The following FAM135B variants were observed in gnomAD, a reference collection of about 807,000 sequenced individuals.
The protein encoded by FAM135B is family with sequence similarity 135 member B, also known as protein FAM135B.
In FAM135B, 43 loss-of-function variants were observed where a neutral mutation model predicts 127.7. The observed-to-expected ratio is 0.34, with a 90% CI of 0.26 to 0.43. FAM135B has a LOEUF of 0.43. Among genes scored for constraint, FAM135B ranks in the 20% least tolerant of loss-of-function variants. The pLI, the probability that FAM135B is intolerant of heterozygous loss-of-function variation, is 1.00. For missense variants in FAM135B, 1,558 were observed against 1,725.6 expected (o/e 0.90, Z 1.72); for synonymous variants, 670 against 665.1 (o/e 1.01, Z -0.11).
At position 138,474,626 on chromosome 8, in the gene FAM135B, C is replaced by T. The variant is rs150995120; in HGVS notation, c.-20+22045G>A. On this transcript the variant is annotated intron_variant, in intron 1 of 19. Coordinates refer to ENST00000395297, the MANE Select transcript of FAM135B (RefSeq NM_015912.4). Reference sequence around the variant, plus strand: ...GCCTTTCCTACACACAGTCACACAGCTCAAATCCTAACTTTATTTGGGTCT... The same window carrying T: ...GCCTTTCCTACACACAGTCACACAGTTCAAATCCTAACTTTATTTGGGTCT... Among the ~76,000 whole-genome samples, 810 of 152,276 alleles carry T rather than the reference C, an allele frequency of 5.3e-3. 8 individuals carry two copies. Among genetic ancestry groups the T allele is most frequent in the African/African-American group, 0.019 (782 of 41,564 alleles).
chr8:138,156,364 C>T (rs1316978898), intron 12 of FAM135B, among the ~76,000 whole-genome samples: 1 of 152,058 alleles, frequency 6.6e-6, no homozygotes, highest in Admixed American at 6.5e-5. Flanking sequence ...AAATAATCAC[C>T]CTAACATCAC....
chr8:138,380,214 T>TTTC (rs1563952796), intron 1 of FAM135B, among the ~76,000 whole-genome samples: 2 of 151,510 alleles, frequency 1.3e-5, no homozygotes, highest in South Asian at 2.1e-4. Context: ...CTTTCTTTTT[T>TTTC]TGAGACAGAG....
chr8:138,461,173 T>G (rs1837101065), intron 1 of FAM135B, among the ~76,000 whole-genome samples: 1 of 152,136 alleles, frequency 6.6e-6, no homozygotes, highest in African/African-American at 2.4e-5. Context: ...TCATGGATAC[T>G]CTTACGTTAA....
chr8:138,456,555 A>G (rs1311647167), intron 1 of FAM135B, among the ~76,000 whole-genome samples: 6 of 152,172 alleles, frequency 3.9e-5, no homozygotes, highest in Admixed American at 1.3e-4. Flanking sequence ...CCTGCCCACA[A>G]GGTCATGAGG....
intron 1 of FAM135B, among the ~76,000 whole-genome samples, chr8:138,487,305 G>A (rs942768507): frequency 2.6e-5 from 4 of 152,118 alleles, no homozygotes; most frequent in East Asian, 3.9e-4. Flanking sequence ...AGCTGGTCAC[G>A]GAGGACTTAG....
In FAM135B at chr8:138,318,670, A is replaced by T. The variant is rs557339711; in HGVS notation, c.78-7750T>A. Among the ~76,000 whole-genome samples, 5 of 152,338 alleles carry T rather than the reference A, an allele frequency of 3.3e-5. No individual in the cohort carries two copies. The South Asian group carries it at 1.0e-3, about 32-fold the overall frequency. On this transcript the variant is annotated intron_variant, in intron 2 of 19. Transcript: ENST00000395297. ...CCCTGATACCCCTCATAGGAAGCAC[A>T]TTTTGTTGTATAGCTACGTCTCTTT...
Position 138,398,855 on chromosome 8 carries a change from C to G in FAM135B, c.-19-30853G>C, listed in dbSNP as rs79997423. On this transcript the variant is annotated intron_variant, in intron 1 of 19. Transcript: ENST00000395297. ...TAGTCCTCAACCTTACCTGCCCCTTCCCAGCCTCTATTTCCCCTAATACAG... is the reference window on the plus strand; with the variant it reads ...TAGTCCTCAACCTTACCTGCCCCTTGCCAGCCTCTATTTCCCCTAATACAG... 8.8e-3 allele frequency among the ~76,000 whole-genome samples: 1,340 copies of G among 152,258 alleles called. 22 individuals are homozygous for G. Among genetic ancestry groups the G allele is most frequent in the African/African-American group, 0.03 (1,243 of 41,528 alleles).
intron 9 of FAM135B, among the ~76,000 whole-genome samples, chr8:138,179,668 C>T (rs1175937712): frequency 1.3e-5 from 2 of 152,158 alleles, no homozygotes; most frequent in Non-Finnish European, 2.9e-5. Flanking sequence ...TTTTCTCCAC[C>T]ATCCTCCTCA....
chr8:138,473,830 C>G (rs1054035084), intron 1 of FAM135B, among the ~76,000 whole-genome samples: 1 of 148,230 alleles, frequency 6.7e-6, no homozygotes, highest in Non-Finnish European at 1.5e-5. Flanking sequence ...ATATGAGAGA[C>G]AGAGAGAGAG....
intron 1 of FAM135B, among the ~76,000 whole-genome samples, chr8:138,426,007 AT>A (rs1834842335): frequency 5.4e-5 from 1 of 18,552 alleles, no homozygotes; most frequent in Non-Finnish European, 1.0e-4. Context: ...ATATATATAT[AT>A]ATATACACAC....
intron 9 of FAM135B, among the ~76,000 whole-genome samples, chr8:138,193,702 G>A (rs1234339616): frequency 6.6e-6 from 1 of 152,190 alleles, no homozygotes; most frequent in African/African-American, 2.4e-5. Context: ...AGCCCTGGAA[G>A]GAGAGGCCAT....
chr8:138,171,040 G>A (rs1009040150), intron 11 of FAM135B, among the ~76,000 whole-genome samples: 10 of 152,282 alleles, frequency 6.6e-5, no homozygotes, highest in Admixed American at 5.2e-4. Context: ...GCCACCATCA[G>A]CTTCCTTGGT....
chr8:138,211,851 C>T (rs1354168226), intron 7 of FAM135B, among the ~76,000 whole-genome samples: 2 of 152,064 alleles, frequency 1.3e-5, no homozygotes, highest in Non-Finnish European at 2.9e-5. Flanking sequence ...GTGGATCACC[C>T]GAGGTCAGGA....
intron 1 of FAM135B, chr8:138,438,882 G>A (rs1483428114): frequency 6.6e-6 from 1 of 152,166 alleles, no homozygotes; most frequent in Non-Finnish European, 1.5e-5. Flanking sequence ...GTCTTTCAAT[G>A]GGATGATCTT....
At position 138,263,429 on chromosome 8, in the gene FAM135B, G is replaced by A. The variant is rs568755670; in HGVS notation, c.297+2274C>T. On this transcript the variant is annotated intron_variant, in intron 4 of 19. Transcript: ENST00000395297. The stretch of plus-strand genomic sequence containing the variant: ...AATGGAAACCAAAAGGTAAAGACAC[G>A]ACTGAGCAGTTCTTGCAGCCAGTCT... 3.9e-5 allele frequency among the ~76,000 whole-genome samples: 6 copies of A among 152,306 alleles called. No individual in the cohort carries two copies. In the East Asian group the frequency reaches 1.2e-3, roughly 29 times the overall value.
At chr8:138,181,675 C>T (rs1815051264) in intron 9 of FAM135B, among the ~76,000 whole-genome samples, 1 of 146,818 alleles carries the variant, frequency 6.8e-6, no homozygotes. Context: ...TTTCAGAAGC[C>T]AATTTTGTGT....
At chr8:138,210,828 A>G (rs546753772) in intron 7 of FAM135B, among the ~76,000 whole-genome samples, 1 of 152,296 alleles carries the variant, frequency 6.6e-6, no homozygotes, top group East Asian at 1.9e-4. Context: ...ACAAACAAGC[A>G]TAGGAAACAT....
At chr8:138,139,280 A>T (rs542442477) in intron 17 of FAM135B, among the ~76,000 whole-genome samples, 184 bp from the exon 18 acceptor site, 2 of 152,328 alleles carry the variant, frequency 1.3e-5, no homozygotes, top group African/African-American at 4.8e-5. Context: ...GTACTGGTGG[A>T]AAGGACTTAA....
intron 3 of FAM135B, among the ~76,000 whole-genome samples, chr8:138,273,293 C>T (rs1823529321): frequency 6.6e-6 from 1 of 152,178 alleles, no homozygotes; most frequent in African/African-American, 2.4e-5. Context: ...GCAACCTCCA[C>T]CTCCAGGGTT....
Sources: gnomAD v4.1 joint callset for allele counts (sites outside exome capture counted in the v4.1 genomes callset) on GRCh38, gnomAD v4.1.1 for gene constraint, MANE v1.5 for transcripts, NCBI Gene and HGNC (gene_info 2026-07-23, HGNC 2026-07-21) for gene names.